JAM3: variants seen among roughly 807,000 people sequenced by gnomAD.
JAM3 encodes junctional adhesion molecule 3.
JAM3 carries 31 observed loss-of-function variants against 39.4 expected under a neutral mutation model. The ratio of observed to expected loss-of-function variants is 0.79; its 90% CI spans 0.59 to 1.06. The LOEUF is 1.06. JAM3 is among the 50% of genes least tolerant of loss of function. JAM3 has a pLI of 0.00. For synonymous variants in JAM3, 182 were observed against 148.7 expected, an observed-to-expected ratio of 1.22 and a Z score of -1.63; for missense variants, 455 against 391.4, an observed-to-expected ratio of 1.16 and a Z score of -1.37.
intron 8 of JAM3, 81 bp downstream of exon 8, chr11:134,148,899 C>T (rs1266352026): frequency 3.8e-5 from 55 of 1,436,354 alleles, no homozygotes; most frequent in Non-Finnish European, 4.8e-5. Flanking sequence ...CACGGGTCTC[C>T]TGGGAAGATT....
At chr11:134,114,946 C>T (rs903897055) in intron 1 of JAM3, among the ~76,000 whole-genome samples, 17 of 152,140 alleles carry the variant, frequency 1.1e-4, no homozygotes, top group African/African-American at 3.1e-4. Context: ...GTTGAAATCT[C>T]GAACAAAGAA....
intron 1 of JAM3, among the ~76,000 whole-genome samples, chr11:134,114,185 C>G (rs1443014243): frequency 3.9e-5 from 6 of 152,174 alleles, no homozygotes; most frequent in Non-Finnish European, 5.9e-5. Flanking sequence ...TGTGCAGAAG[C>G]TCTTTAGTTT....
chr11:134,150,134 T>C lies in JAM3; in HGVS notation c.*953T>C, dbSNP rs547710220. ...GGAATCCTCTCATGGAAGTTTACTGTGATGTTCCTTTTCTCACACAAGTTT... is the reference window on the plus strand; with the variant it reads ...GGAATCCTCTCATGGAAGTTTACTGCGATGTTCCTTTTCTCACACAAGTTT... On this transcript the variant is annotated 3_prime_UTR_variant, in exon 9 of 9. Transcript: ENST00000299106. The C allele has an allele frequency of 6.5e-6, 1 of 154,210 alleles. No homozygotes were observed. The highest frequency in any genetic ancestry group is 1.9e-4 in the East Asian group (1 of 5,230). 9.6% of individuals were successfully genotyped at this position (154,210 alleles called of 1,614,324 possible).
intron 1 of JAM3, among the ~76,000 whole-genome samples, chr11:134,110,971 A>G (rs897856289): frequency 1.3e-5 from 2 of 151,984 alleles, no homozygotes; most frequent in African/African-American, 4.8e-5. Flanking sequence ...CCTGACTCCC[A>G]AAACTGGACA....
intron 1 of JAM3, among the ~76,000 whole-genome samples, chr11:134,070,767 T>C (rs1216229407): frequency 1.3e-5 from 2 of 152,236 alleles, no homozygotes; most frequent in Non-Finnish European, 2.9e-5. Context: ...TTCAACTTGG[T>C]AGTTTGTTAA....
intron 3 of JAM3, among the ~76,000 whole-genome samples, chr11:134,142,360 A>C (rs1011344968): frequency 2.6e-5 from 4 of 152,132 alleles, no homozygotes; most frequent in African/African-American, 7.2e-5. Flanking sequence ...CGAATCCTCC[A>C]CTAATGGGTG....
intron 1 of JAM3, among the ~76,000 whole-genome samples, chr11:134,111,773 G>T (rs111768142): frequency 7.9e-5 from 12 of 152,052 alleles, no homozygotes; most frequent in Admixed American, 2.0e-4. Context: ...AATAAAAAGG[G>T]AATCTCCATT....
intron 6 of JAM3, among the ~76,000 whole-genome samples, chr11:134,147,474 AAAAAC>A (rs1349330001): frequency 1.1e-4 from 17 of 150,826 alleles, no homozygotes; most frequent in African/African-American, 1.5e-4. Flanking sequence ...AAAAAAAAAA[AAAAAC>A]GATTGCAAGT....
At chr11:134,138,128 G>T (rs1453859379) in intron 1 of JAM3, among the ~76,000 whole-genome samples, 1 of 134,386 alleles carries the variant, frequency 7.4e-6, no homozygotes, top group Non-Finnish European at 1.5e-5. Flanking sequence ...TGCTCCTACT[G>T]AGAGAAATGT....
intron 1 of JAM3, among the ~76,000 whole-genome samples, chr11:134,139,358 G>A (rs6590734): frequency 0.15 from 23,203 of 152,222 alleles, 1,934 homozygotes; most frequent in African/African-American, 0.22. Context: ...CAGCGAGGTG[G>A]ACTCCTAGCT....
chr11:134,089,161 C>T (rs1941797944), intron 1 of JAM3, among the ~76,000 whole-genome samples: 1 of 152,152 alleles, frequency 6.6e-6, no homozygotes, highest in African/African-American at 2.4e-5. Flanking sequence ...GCTGAACCTC[C>T]TTGTGTCTCC....
intron 2 of JAM3, 106 bp downstream of exon 2, chr11:134,140,022 T>C: frequency 1.1e-6 from 1 of 915,682 alleles, no homozygotes; most frequent in Non-Finnish European, 1.8e-6. Context: ...GCCAGGGAGA[T>C]GTTCCGGGTG....
rs12802342 is a variant in JAM3, at chr11:134,136,010, C to T, written c.77-3841C>T. ...GCTTGAACCTGGGAGGCGGAGGTTA[C>T]ATTGAGCTGAGATCACACCATTGCA... On this transcript the variant is annotated intron_variant, in intron 1 of 8. Coordinates refer to ENST00000299106, the MANE Select transcript of JAM3 (RefSeq NM_032801.5). Among the ~76,000 whole-genome samples, 283 of 152,154 alleles carry T rather than the reference C, an allele frequency of 1.9e-3. 1 individual carries two copies. Among genetic ancestry groups the T allele is most frequent in the Non-Finnish European group, 3.6e-3 (243 of 68,028 alleles).
At chr11:134,117,527 A>G (rs1337482620) in intron 1 of JAM3, among the ~76,000 whole-genome samples, 2 of 152,168 alleles carry the variant, frequency 1.3e-5, no homozygotes, top group African/African-American at 2.4e-5. Flanking sequence ...TCAGAATTCA[A>G]CTGTTTTGTA....
At chr11:134,118,969 C>CTTTT (rs61244231) in intron 1 of JAM3, among the ~76,000 whole-genome samples, 1,672 of 140,406 alleles carry the variant, frequency 0.012, 41 homozygotes, top group African/African-American at 0.042. Context: ...CTCAAGAAAT[C>CTTTT]TTTTTTTTTT....
At chr11:134,072,065 T>A (rs1479074148) in intron 1 of JAM3, among the ~76,000 whole-genome samples, 1 of 152,092 alleles carries the variant, frequency 6.6e-6, no homozygotes. Context: ...ATGGGGTGGG[T>A]TTAAATCAGT....
At chr11:134,142,939 T>TG (rs1400059364) in intron 3 of JAM3, among the ~76,000 whole-genome samples, 1 of 152,222 alleles carries the variant, frequency 6.6e-6, no homozygotes, top group African/African-American at 2.4e-5. Context: ...ACTTCATTTC[T>TG]TTTCACGGCT....
At chr11:134,142,201 G>C (rs1256021466) in intron 3 of JAM3, among the ~76,000 whole-genome samples, 1 of 152,144 alleles carries the variant, frequency 6.6e-6, no homozygotes, top group African/African-American at 2.4e-5. Flanking sequence ...CACAGGGATG[G>C]GGAGGCCGAG....
At chr11:134,125,586 C>T (rs1591797104) in intron 1 of JAM3, among the ~76,000 whole-genome samples, 1 of 152,208 alleles carries the variant, frequency 6.6e-6, no homozygotes, top group Admixed American at 6.5e-5. Context: ...ATTGACCTCG[C>T]TAGCATCCGA....
Sources: gnomAD v4.1 joint callset for allele counts (sites outside exome capture counted in the v4.1 genomes callset) on GRCh38, gnomAD v4.1.1 for gene constraint, MANE v1.5 for transcripts, NCBI Gene and HGNC (gene_info 2026-07-23, HGNC 2026-07-21) for gene names.